The following METTL15 variants were observed in gnomAD, a reference collection of about 807,000 sequenced individuals.
METTL15 encodes the protein methyltransferase 15, mitochondrial 12S rRNA N4-cytidine, also known as 12S rRNA N(4)-cytidine methyltransferase METTL15.
Under a neutral mutation model 38.3 loss-of-function variants are expected in METTL15, and 34 were observed. The ratio of observed to expected loss-of-function variants is 0.89; its 90% CI spans 0.68 to 1.18. The LOEUF is 1.18. Among genes scored for constraint, METTL15 ranks in the 50% most tolerant of loss-of-function variants. METTL15 has a pLI of 0.00. For synonymous variants in METTL15, 162 were observed against 170.9 expected (o/e 0.95, Z 0.41); for missense variants, 438 against 498.4 (o/e 0.88, Z 1.15).
intron 6 of METTL15, among the ~76,000 whole-genome samples, chr11:28,444,592 A>G (rs114760989): frequency 3.3e-5 from 5 of 152,216 alleles, no homozygotes; most frequent in African/African-American, 1.2e-4. Flanking sequence ...ATCACTTAGT[A>G]GCCATGAATT....
chr11:28,279,082 C>T (rs1214210575), intron 4 of METTL15, among the ~76,000 whole-genome samples: 1 of 152,186 alleles, frequency 6.6e-6, no homozygotes, highest in African/African-American at 2.4e-5. Context: ...CTGCCTCGGC[C>T]TCCCAAAGTG....
intron 3 of METTL15, among the ~76,000 whole-genome samples, chr11:28,120,762 G>A (rs1852194615): frequency 6.6e-6 from 1 of 152,114 alleles, no homozygotes; most frequent in South Asian, 2.1e-4. Context: ...AGAACATCTT[G>A]TTCATATTTC....
intron 6 of METTL15, among the ~76,000 whole-genome samples, chr11:28,327,019 A>G (rs1417034663): frequency 6.6e-6 from 1 of 152,054 alleles, no homozygotes; most frequent in East Asian, 1.9e-4. Context: ...TCTTCCTAAA[A>G]ATTACAGACA....
chr11:28,253,375 T>A (rs1318269003), intron 4 of METTL15, among the ~76,000 whole-genome samples: 1 of 152,212 alleles, frequency 6.6e-6, no homozygotes, highest in Non-Finnish European at 1.5e-5. Flanking sequence ...GATGTTTTAA[T>A]ACAAGTGTGC....
At chr11:28,515,781 C>T (rs1409783862) in intron 6 of METTL15, among the ~76,000 whole-genome samples, 1 of 152,236 alleles carries the variant, frequency 6.6e-6, no homozygotes, top group Non-Finnish European at 1.5e-5. Flanking sequence ...ACAACCACTT[C>T]TTTAAAGCCT....
intron 6 of METTL15, among the ~76,000 whole-genome samples, chr11:28,514,553 A>G (rs983980166): frequency 6.6e-6 from 1 of 152,232 alleles, no homozygotes; most frequent in African/African-American, 2.4e-5. Flanking sequence ...TTGAATTGCT[A>G]TTACTTGCAA....
chr11:28,317,286 A>G (rs1186105441), intron 6 of METTL15, among the ~76,000 whole-genome samples: 2 of 152,146 alleles, frequency 1.3e-5, no homozygotes, highest in African/African-American at 4.8e-5. Context: ...AGAACCATTC[A>G]AGTTCACAGA....
intron 3 of METTL15, among the ~76,000 whole-genome samples, chr11:28,202,728 A>G (rs994959838): frequency 6.6e-6 from 1 of 152,122 alleles, no homozygotes; most frequent in South Asian, 2.1e-4. Context: ...CAATTCTAAA[A>G]ATTCAAATTA....
chr11:28,479,446 G>A (rs1811450), intron 6 of METTL15, among the ~76,000 whole-genome samples: 86,086 of 151,928 alleles, frequency 0.57, 25,495 homozygotes, highest in East Asian at 0.74. Context: ...TTTTTTTTCT[G>A]TAAGAGTTGT....
At chr11:28,273,548 T>A (rs1009156740) in intron 4 of METTL15, among the ~76,000 whole-genome samples, 5 of 152,070 alleles carry the variant, frequency 3.3e-5, no homozygotes, top group Non-Finnish European at 7.4e-5. Context: ...GTAGTTAATC[T>A]TCAGATTTTT....
chr11:28,353,779 G>T (rs1336000688), intron 4 of METTL15, among the ~76,000 whole-genome samples: 3 of 151,562 alleles, frequency 2.0e-5, no homozygotes, highest in Non-Finnish European at 4.4e-5. Flanking sequence ...CAAAAAATTA[G>T]CCGGGCGCGG....
At chr11:28,191,443 T>C (rs1294855403) in intron 3 of METTL15, among the ~76,000 whole-genome samples, 1 of 151,498 alleles carries the variant, frequency 6.6e-6, no homozygotes, top group African/African-American at 2.4e-5. Context: ...ATTTATGCTT[T>C]ATATAAATGT....
At chr11:28,275,222 G>A (rs562901946) in intron 4 of METTL15, among the ~76,000 whole-genome samples, 1 of 151,218 alleles carries the variant, frequency 6.6e-6, no homozygotes, top group African/African-American at 2.4e-5. Context: ...CCACTAGTTC[G>A]ACTAACCAAG....
At chr11:28,313,026 A>G (rs1857361775) in intron 6 of METTL15, among the ~76,000 whole-genome samples, 1 of 150,808 alleles carries the variant, frequency 6.6e-6, no homozygotes, top group Admixed American at 6.6e-5. Flanking sequence ...GTCAGAGTTC[A>G]TGTCTCTGTT....
intron 3 of METTL15, among the ~76,000 whole-genome samples, chr11:28,151,065 T>C (rs1227269346): frequency 6.6e-6 from 1 of 151,510 alleles, no homozygotes; most frequent in African/African-American, 2.4e-5. Context: ...TTTCCGTGCT[T>C]TTTGTGATGA....
chr11:28,414,018 A>G (rs761385248), intron 5 of METTL15, among the ~76,000 whole-genome samples: 9 of 152,296 alleles, frequency 5.9e-5, no homozygotes, highest in Non-Finnish European at 1.2e-4. Context: ...CTAACCAAGA[A>G]AGTGGAAATG....
intron 6 of METTL15, among the ~76,000 whole-genome samples, chr11:28,321,945 A>G (rs922018797): frequency 1.3e-5 from 2 of 152,054 alleles, no homozygotes; most frequent in East Asian, 3.9e-4. Flanking sequence ...GGTACTTCAA[A>G]TGGGTACGAA....
chr11:28,525,376 G>T (rs1026800508), intron 6 of METTL15, among the ~76,000 whole-genome samples: 19 of 152,058 alleles, frequency 1.2e-4, no homozygotes, highest in Non-Finnish European at 2.5e-4. Context: ...GGTTCTCCAC[G>T]TCCCCACTAG....
intron 5 of METTL15, among the ~76,000 whole-genome samples, chr11:28,376,774 G>A (rs1446057488): frequency 1.3e-5 from 2 of 150,348 alleles, no homozygotes; most frequent in East Asian, 3.9e-4. Context: ...TTACATTTTG[G>A]CATGACTTTG....
Sources: gnomAD v4.1 joint callset for allele counts (sites outside exome capture counted in the v4.1 genomes callset) on GRCh38, gnomAD v4.1.1 for gene constraint, MANE v1.5 for transcripts, NCBI Gene and HGNC (gene_info 2026-07-23, HGNC 2026-07-21) for gene names.